Variants in DPP10 observed in about 807,000 individuals in gnomAD.
DPP10 encodes dipeptidyl peptidase like 10.
DPP10 carries 33 observed loss-of-function variants against 120.9 expected under a neutral mutation model. The observed-to-expected ratio is 0.27, with a 90% CI of 0.21 to 0.37. DPP10 has a LOEUF of 0.37. Ranked by LOEUF, DPP10 falls within the 10% of genes least tolerant of loss-of-function variation. DPP10 has a pLI of 1.00. For missense variants in DPP10, 816 were observed against 942.8 expected, an observed-to-expected ratio of 0.87 and a Z score of 1.76; for synonymous variants, 337 against 326.1, an observed-to-expected ratio of 1.03 and a Z score of -0.36.
chr2:115,036,138 G>A (rs999753917), intron 1 of DPP10, among the ~76,000 whole-genome samples: 2 of 152,148 alleles, frequency 1.3e-5, no homozygotes, highest in African/African-American at 4.8e-5. Flanking sequence ...GGAGAAGCAG[G>A]CACCTTCCTC....
chr2:115,064,717 T>A lies in DPP10; in HGVS notation c.61-244522T>A, dbSNP rs1003751688. 5 of 1,302,828 alleles carry A rather than the reference T, an allele frequency of 3.8e-6. No individual in the cohort carries two copies. In the African/African-American group the frequency reaches 7.6e-5, roughly 20 times the overall value. The allele number at this position is 1,302,828 out of a possible 1,614,324, so 80.7% of individuals were successfully genotyped here. A position where few individuals can be genotyped will look rare whatever the true frequency, so the allele number is the denominator to read the frequency against. On this transcript the variant is annotated intron_variant, in intron 1 of 25. Coordinates refer to ENST00000410059, the MANE Select transcript of DPP10 (RefSeq NM_020868.6). ...ACATTGAAGTAAGATTCTGTGAGGG[T>A]GAGGTTGCATTTGTAGAAAGTGGTT...
At chr2:115,441,817 CTTTTTTTT>C (rs561102084) in intron 3 of DPP10, among the ~76,000 whole-genome samples, 3 of 124,474 alleles carry the variant, frequency 2.4e-5, no homozygotes, top group South Asian at 2.6e-4. Context: ...TTCTTTCTTT[CTTTTTTTT>C]TTTTTTTTTT....
chr2:114,453,536 A>C (rs1678401451), intron 1 of DPP10, among the ~76,000 whole-genome samples: 1 of 152,180 alleles, frequency 6.6e-6, no homozygotes, highest in Non-Finnish European at 1.5e-5. Flanking sequence ...TCTCTGCTAC[A>C]TCTAGGGATT....
rs142153957 is a variant in DPP10 at position 114,478,008 on chromosome 2, T to C, written c.60+35170T>C. Among the ~76,000 whole-genome samples, 90 of 151,642 alleles carry C rather than the reference T, an allele frequency of 5.9e-4. 2 individuals carry two copies. Among genetic ancestry groups the C allele is most frequent in the African/African-American group, 2.2e-3 (90 of 41,278 alleles). ...GTACATATATGTGTATATATGTATG[T>C]ATTTCTATTGATGATAGATTATTGA... On this transcript the variant is annotated intron_variant, in intron 1 of 25. Transcript: ENST00000410059.
At chr2:115,705,128 T>C (rs1479234578) in intron 7 of DPP10, among the ~76,000 whole-genome samples, 1 of 151,998 alleles carries the variant, frequency 6.6e-6, no homozygotes, top group Admixed American at 6.6e-5. Context: ...GTTTAGTTTC[T>C]TTGGGAGACT....
At chr2:115,814,626 A>C in intron 19 of DPP10, 167 bp from the exon 20 acceptor site, 2 of 465,418 alleles carry the variant, frequency 4.3e-6, no homozygotes, top group Non-Finnish European at 3.5e-6. Context: ...ATACAATTTT[A>C]CGAAGGAAAA....
At chr2:115,118,009 T>C (rs2049612126) in intron 1 of DPP10, among the ~76,000 whole-genome samples, 1 of 152,192 alleles carries the variant, frequency 6.6e-6, no homozygotes, top group African/African-American at 2.4e-5. Context: ...GGGGATGATA[T>C]TTGCCTGGCA....
At chr2:115,677,472 T>A (rs1486362408) in intron 5 of DPP10, among the ~76,000 whole-genome samples, 1 of 151,958 alleles carries the variant, frequency 6.6e-6, no homozygotes, top group Non-Finnish European at 1.5e-5. Context: ...AATAAAAAGA[T>A]ACAGAATGGC....
chr2:115,242,766 G>A (rs1212313183), intron 1 of DPP10, among the ~76,000 whole-genome samples: 2 of 151,358 alleles, frequency 1.3e-5, no homozygotes, highest in African/African-American at 4.9e-5. Context: ...TCATTAGTGA[G>A]ATTGAGCATT....
At chr2:115,759,764 A>T (rs1170728625) in intron 11 of DPP10, among the ~76,000 whole-genome samples, 1 of 152,104 alleles carries the variant, frequency 6.6e-6, no homozygotes, top group Non-Finnish European at 1.5e-5. Context: ...TAATCCCAAC[A>T]CTTTGGGAGG....
At chr2:115,447,435 A>G (rs541904689) in intron 3 of DPP10, among the ~76,000 whole-genome samples, 42 of 152,238 alleles carry the variant, frequency 2.8e-4, no homozygotes, top group African/African-American at 9.9e-4. Flanking sequence ...TGATTAAAAT[A>G]TGAAAAGGGC....
intron 1 of DPP10, among the ~76,000 whole-genome samples, chr2:114,777,807 G>A (rs962807100): frequency 4.6e-5 from 7 of 151,994 alleles, no homozygotes; most frequent in Admixed American, 6.6e-5. Context: ...CCTTTGAGCC[G>A]CAGAACCAAG....
At chr2:115,609,381 T>C (rs2083936206) in intron 5 of DPP10, among the ~76,000 whole-genome samples, 3 of 152,010 alleles carry the variant, frequency 2.0e-5, no homozygotes, top group Non-Finnish European at 4.4e-5. Context: ...TGATATGAGA[T>C]TGATGTCTAG....
chr2:114,662,392 C>T (rs970300431), intron 1 of DPP10, among the ~76,000 whole-genome samples: 1 of 152,326 alleles, frequency 6.6e-6, no homozygotes, highest in Admixed American at 6.5e-5. Context: ...ACTCTGCCCG[C>T]GCCGCCCTGA....
chr2:115,071,078 A>G (rs966858), intron 1 of DPP10, among the ~76,000 whole-genome samples: 24,879 of 152,158 alleles, frequency 0.16, 2,304 homozygotes, highest in African/African-American at 0.27. Flanking sequence ...TTAATGAATC[A>G]ATGTTTATGC....
rs115408977 is a variant in DPP10 at position 115,631,243 on chromosome 2, G to C, written c.442-58444G>C. On this transcript the variant is annotated intron_variant, in intron 5 of 25. Transcript: ENST00000410059. ...TTATAGCATTCTCTGATGATTGTTT[G>C]TATTTCTTTAGGGTCTGTGGTGATA... Among the ~76,000 whole-genome samples, 491 of 151,996 alleles carry C rather than the reference G, an allele frequency of 3.2e-3. 2 individuals carry two copies. The highest frequency in any genetic ancestry group is 5.7e-3 in the Non-Finnish European group (386 of 67,936).
chr2:115,802,055 T>A (rs1042283568), intron 19 of DPP10, among the ~76,000 whole-genome samples: 16 of 152,174 alleles, frequency 1.1e-4, no homozygotes, highest in Non-Finnish European at 2.2e-4. Flanking sequence ...TGTGAATCCA[T>A]CTGGTCCTGG....
intron 8 of DPP10, 149 bp downstream of exon 8, chr2:115,728,085 T>C (rs1330129918): frequency 4.8e-6 from 4 of 839,194 alleles, no homozygotes; most frequent in Non-Finnish European, 7.1e-6. Flanking sequence ...TTCATATCTT[T>C]GCATGTGCTT....
At chr2:115,353,147 G>A (rs1055369796) in intron 3 of DPP10, among the ~76,000 whole-genome samples, 1 of 152,072 alleles carries the variant, frequency 6.6e-6, no homozygotes, top group African/African-American at 2.4e-5. Flanking sequence ...TTGCAACTAG[G>A]AGAAATCGGT....
Sources: allele counts gnomAD v4.1 joint callset (sites outside exome capture counted in the v4.1 genomes callset), GRCh38; gene constraint gnomAD v4.1.1; transcripts MANE v1.5; gene names NCBI Gene and HGNC (gene_info 2026-07-23, HGNC 2026-07-21).